Variants in MEI1 observed in about 807,000 individuals in gnomAD.
MEI1 encodes the protein meiotic double-stranded break formation protein 1.
MEI1 carries 103 observed loss-of-function variants against 146.2 expected under a neutral mutation model. The ratio of observed to expected loss-of-function variants is 0.70; its 90% CI spans 0.60 to 0.83. The LOEUF is 0.83. Among genes scored for constraint, MEI1 ranks in the 40% least tolerant of loss-of-function variants. The probability of loss-of-function intolerance (pLI) is 0.00; values close to 1 mark genes in which losing one functional copy is unlikely to be tolerated. For synonymous variants in MEI1, 652 were observed against 628.2 expected (o/e 1.04, Z -0.57); for missense variants, 1,529 against 1,533.0 (o/e 1.00, Z 0.04).
intron 1 of MEI1, 29 bp downstream of exon 1, chr22:41,699,741 C>T (rs1235768761): frequency 6.5e-7 from 1 of 1,531,564 alleles, no homozygotes; most frequent in Non-Finnish European, 8.8e-7. Flanking sequence ...CTTCAGAAGA[C>T]CTGGGTTTGG....
intron 1 of MEI1, among the ~76,000 whole-genome samples, chr22:41,702,662 C>G (rs1012146293): frequency 6.6e-6 from 1 of 152,070 alleles, no homozygotes; most frequent in Non-Finnish European, 1.5e-5. Flanking sequence ...TCAGGCCAGT[C>G]TCGAACTCCC....
intron 6 of MEI1, among the ~76,000 whole-genome samples, chr22:41,719,337 C>G (rs545949232): frequency 5.3e-5 from 8 of 152,132 alleles, no homozygotes; most frequent in Non-Finnish European, 1.2e-4. Flanking sequence ...CAGGCACCCA[C>G]CATCACATCC....
intron 7 of MEI1, among the ~76,000 whole-genome samples, chr22:41,724,621 A>C (rs2071154322): frequency 6.9e-6 from 1 of 144,174 alleles, no homozygotes; most frequent in Non-Finnish European, 1.5e-5. Context: ...TGTCTCAAAA[A>C]AAAAAAAAAA....
chr22:41,720,806 C>G lies in MEI1; in HGVS notation c.733+2532C>G, dbSNP rs1193633847. ...ATTTTTTTTGAGACAGAGTCTCGCT[C>G]TGCTGGCCAGGCTGGAGTGGAGTGG... On this transcript the variant is annotated intron_variant, in intron 6 of 30. Coordinates refer to ENST00000401548, the MANE Select transcript of MEI1 (RefSeq NM_152513.4). Among the ~76,000 whole-genome samples, 7 of 151,050 alleles carry G rather than the reference C, an allele frequency of 4.6e-5. No individual in the cohort carries two copies. In the South Asian group the frequency reaches 1.5e-3, roughly 32 times the overall value.
In MEI1 at chr22:41,784,613, A is replaced by G. The variant is rs1441271712; in HGVS notation, c.3175A>G (p.Ile1059Val). ...KKKAALLSAA[I>V]LCFLRTALRQ... ...AAGGAATCTCCTGCTTCCAGCTGCC[A>G]TCTTATGCTTCCTGCGGACAGCCCT... The change falls in exon 26 of 31, where the codon ATC (isoleucine) becomes GTC (valine). Residue 1059 changes from isoleucine (I) to valine (V), a missense_variant. Around this residue, in one of 3 missense-constraint regions of MEI1, gnomAD observed 313 missense variants for 337.3 expected, o/e 0.93. Transcript: ENST00000401548. The G allele has an allele frequency of 6.2e-7, 1 of 1,612,122 alleles. No homozygotes were observed. Among genetic ancestry groups the G allele is most frequent in the Non-Finnish European group, 8.5e-7 (1 of 1,179,734 alleles).
intron 17 of MEI1, among the ~76,000 whole-genome samples, chr22:41,756,221 A>G (rs1345056155): frequency 6.6e-6 from 1 of 151,612 alleles, no homozygotes; most frequent in African/African-American, 2.4e-5. Context: ...TGCAACCTCC[A>G]CCTCCCAGAT....
intron 5 of MEI1, 23 bp from the exon 6 acceptor site, chr22:41,718,048 C>T (rs1248110047): frequency 6.3e-7 from 1 of 1,575,434 alleles, no homozygotes; most frequent in Non-Finnish European, 8.6e-7. Context: ...TTTCCCTTGG[C>T]TCCTTGGTTG....
chr22:41,765,444 G>T (rs772162337), intron 19 of MEI1, among the ~76,000 whole-genome samples: 1 of 152,108 alleles, frequency 6.6e-6, no homozygotes, highest in Admixed American at 6.6e-5. Context: ...TCATGCCACC[G>T]CACTCCAGCC....
chr22:41,720,646 A>G (rs1601725283), intron 6 of MEI1, among the ~76,000 whole-genome samples: 1 of 145,948 alleles, frequency 6.9e-6, no homozygotes. Flanking sequence ...CCCAGGCTGG[A>G]GTGCAGTGGG....
intron 3 of MEI1, among the ~76,000 whole-genome samples, chr22:41,710,993 G>A (rs1429286697): frequency 6.6e-6 from 1 of 152,118 alleles, no homozygotes; most frequent in Non-Finnish European, 1.5e-5. Context: ...ACTTGATGGT[G>A]AGGGAAACAG....
intron 30 of MEI1, among the ~76,000 whole-genome samples, chr22:41,797,728 A>G (rs923949276): frequency 6.6e-6 from 1 of 152,202 alleles, no homozygotes; most frequent in African/African-American, 2.4e-5. Flanking sequence ...GGCAAATATT[A>G]CAAAATTCGA....
At chr22:41,715,805 A>T (rs1412089377) in intron 4 of MEI1, among the ~76,000 whole-genome samples, 1 of 152,110 alleles carries the variant, frequency 6.6e-6, no homozygotes, top group Non-Finnish European at 1.5e-5. Flanking sequence ...ATTTTAATTC[A>T]GTTTAACAAA....
chr22:41,728,491 C>G (rs2071560674), intron 7 of MEI1, among the ~76,000 whole-genome samples: 1 of 152,182 alleles, frequency 6.6e-6, no homozygotes, highest in Non-Finnish European at 1.5e-5. Context: ...GTAATCCCAG[C>G]ATTTAGGGAG....
At chr22:41,752,096 G>A (rs1205249350) in intron 15 of MEI1, among the ~76,000 whole-genome samples, 1 of 151,768 alleles carries the variant, frequency 6.6e-6, no homozygotes, top group Non-Finnish European at 1.5e-5. Flanking sequence ...AAAAGAAACT[G>A]TTATTGGACC....
rs540161473 is a variant in MEI1, at chr22:41,705,311, A to G, written c.299-193A>G. Among the ~76,000 whole-genome samples, 197 of 151,996 alleles carry G rather than the reference A, an allele frequency of 1.3e-3. 1 individual carries two copies. The highest frequency in any genetic ancestry group is 6.8e-3 in the Middle Eastern group (2 of 294). On this transcript the variant is annotated intron_variant, in intron 2 of 30. Coordinates refer to ENST00000401548, the MANE Select transcript of MEI1 (RefSeq NM_152513.4). ...CTCAGCCTCCTGAGTAGCTGGGACT[A>G]CAGGCACAGGCCACTACTCCCGGCT...
intron 30 of MEI1, 145 bp from the exon 31 acceptor site, chr22:41,799,109 A>G (rs898738398): frequency 1.5e-6 from 1 of 680,080 alleles, no homozygotes; most frequent in Non-Finnish European, 2.6e-6. Flanking sequence ...GGTGTTCAGG[A>G]CCCAATTTCA....
intron 26 of MEI1, among the ~76,000 whole-genome samples, chr22:41,785,326 G>A (rs958435654): frequency 6.8e-6 from 1 of 147,664 alleles, no homozygotes; most frequent in Non-Finnish European, 1.5e-5. Flanking sequence ...GTGGTGGCGT[G>A]ATCTCGACTC....
intron 1 of MEI1, among the ~76,000 whole-genome samples, chr22:41,700,402 C>T (rs1241122965): frequency 3.9e-5 from 6 of 152,240 alleles, no homozygotes; most frequent in African/African-American, 1.4e-4. Flanking sequence ...GCCATCTCCG[C>T]TCACTGCAAC....
At chr22:41,771,230 C>G (rs2075166205) in intron 20 of MEI1, among the ~76,000 whole-genome samples, 1 of 152,174 alleles carries the variant, frequency 6.6e-6, no homozygotes, top group Non-Finnish European at 1.5e-5. Flanking sequence ...CTATGAAATG[C>G]AGATCTTAGT....
Sources: allele counts gnomAD v4.1 joint callset (sites outside exome capture counted in the v4.1 genomes callset), GRCh38; gene constraint gnomAD v4.1.1; regional missense constraint gnomAD v4.1.1; transcripts MANE v1.5; gene names NCBI Gene and HGNC (gene_info 2026-07-23, HGNC 2026-07-21).